The following NR5A2 variants were observed in gnomAD, a reference collection of about 807,000 sequenced individuals.
NR5A2 encodes nuclear receptor subfamily 5 group A member 2, also known as CYP7A promoter-binding factor.
Under a neutral mutation model 62.7 loss-of-function variants are expected in NR5A2, and 26 were observed. The observed-to-expected ratio is 0.41, with a 90% CI of 0.30 to 0.58. The LOEUF is 0.58. NR5A2 is among the 20% of genes least tolerant of loss of function. The pLI is 0.22. For synonymous variants in NR5A2, 246 were observed against 241.7 expected, an observed-to-expected ratio of 1.02 and a Z score of -0.16; for missense variants, 541 against 669.1, an observed-to-expected ratio of 0.81 and a Z score of 2.11.
chr1:200,051,133 C>T (rs2737640), intron 5 of NR5A2, among the ~76,000 whole-genome samples: 14,589 of 148,300 alleles, frequency 0.098, 748 homozygotes, highest in Middle Eastern at 0.2. Context: ...AAGGTAAAAA[C>T]AACGTTGAAT....
intron 7 of NR5A2, among the ~76,000 whole-genome samples, chr1:200,141,560 G>A (rs1667444433): frequency 1.3e-5 from 2 of 152,270 alleles, no homozygotes; most frequent in Middle Eastern, 3.4e-3. Flanking sequence ...CTACAAATAA[G>A]CTGCTATGAA....
intron 7 of NR5A2, among the ~76,000 whole-genome samples, chr1:200,151,974 T>C (rs2102365194): frequency 6.6e-6 from 1 of 152,302 alleles, no homozygotes; most frequent in African/African-American, 2.4e-5. Flanking sequence ...CAGACATACA[T>C]ATGCAAAGTT....
At chr1:200,113,042 A>T (rs1666035215) in intron 6 of NR5A2, among the ~76,000 whole-genome samples, 1 of 152,236 alleles carries the variant, frequency 6.6e-6, no homozygotes, top group Non-Finnish European at 1.5e-5. Flanking sequence ...AATAGAGAAA[A>T]GTGCATTTCT....
intron 7 of NR5A2, among the ~76,000 whole-genome samples, chr1:200,161,208 T>G (rs1653626493): frequency 6.6e-6 from 1 of 152,180 alleles, no homozygotes; most frequent in Non-Finnish European, 1.5e-5. Flanking sequence ...CTATTTTAAA[T>G]ACAACTTTAT....
chr1:200,138,199 A>G (rs990833471), intron 7 of NR5A2, among the ~76,000 whole-genome samples: 4 of 152,190 alleles, frequency 2.6e-5, no homozygotes, highest in African/African-American at 9.6e-5. Flanking sequence ...CCTGTAATAT[A>G]TTGTTGGACA....
At chr1:200,127,508 C>G (rs1666756615) in intron 7 of NR5A2, among the ~76,000 whole-genome samples, 1 of 151,068 alleles carries the variant, frequency 6.6e-6, no homozygotes, top group African/African-American at 2.4e-5. Context: ...GAAACCTCGT[C>G]TCTACTAAAA....
At chr1:200,101,502 AATC>A (rs1218542141) in intron 5 of NR5A2, among the ~76,000 whole-genome samples, 1 of 152,198 alleles carries the variant, frequency 6.6e-6, no homozygotes, top group Non-Finnish European at 1.5e-5. Flanking sequence ...GCACTAGCTG[AATC>A]ATCATGTTGA....
chr1:200,135,205 C>CT (rs1667155925), intron 7 of NR5A2, among the ~76,000 whole-genome samples: 1 of 152,182 alleles, frequency 6.6e-6, no homozygotes, highest in African/African-American at 2.4e-5. Context: ...GCAAGGAAGT[C>CT]TTTTGACTTG....
intron 6 of NR5A2, among the ~76,000 whole-genome samples, chr1:200,115,234 C>A (rs567101465): frequency 6.6e-6 from 1 of 152,222 alleles, no homozygotes; most frequent in Non-Finnish European, 1.5e-5. Flanking sequence ...CCACTTGAAT[C>A]AACTTTTTGT....
At chr1:200,129,958 G>A (rs1055456092) in intron 7 of NR5A2, among the ~76,000 whole-genome samples, 2 of 152,174 alleles carry the variant, frequency 1.3e-5, no homozygotes, top group Non-Finnish European at 1.5e-5. Flanking sequence ...AGCACTTCTG[G>A]AGAAGCCTGG....
At chr1:200,133,784 C>G (rs1017599146) in intron 7 of NR5A2, among the ~76,000 whole-genome samples, 4 of 150,962 alleles carry the variant, frequency 2.6e-5, no homozygotes, top group Admixed American at 6.6e-5. Flanking sequence ...TAAAAGAAAA[C>G]TTACTATAAA....
intron 7 of NR5A2, among the ~76,000 whole-genome samples, chr1:200,146,991 T>TTA (rs1667733618): frequency 6.6e-6 from 1 of 152,098 alleles, no homozygotes; most frequent in Admixed American, 6.5e-5. Flanking sequence ...CACTTTGTTT[T>TTA]TATTCACTGA....
chr1:200,174,126 A>G lies in NR5A2; in HGVS notation c.1542A>G (p.Glu514=), dbSNP rs1386772005. 6.2e-7 allele frequency: 1 copy of G among 1,613,748 alleles called. No individual in the cohort carries two copies. Among genetic ancestry groups the G allele is most frequent in the Non-Finnish European group, 8.5e-7 (1 of 1,179,990 alleles). ...TCCGGGCCATCAGTATGCAGGCTGA[A>G]GAATACCTCTACTACAAGCACCTGA... ...PEIRAISMQA[E]EYLYYKHLNG... is the part of the protein sequence containing the mutation. The change falls in exon 8 of 8, where the codon GAA becomes GAG. Residue 514 remains glutamate (E), a synonymous_variant. Transcript: ENST00000367362.
At chr1:200,166,865 G>T (rs904127237) in intron 7 of NR5A2, among the ~76,000 whole-genome samples, 7 of 152,206 alleles carry the variant, frequency 4.6e-5, no homozygotes, top group Non-Finnish European at 8.8e-5. Context: ...AGGATTAAAT[G>T]AGAAAACATA....
intron 5 of NR5A2, among the ~76,000 whole-genome samples, chr1:200,069,631 T>G (rs553450112): frequency 1.0e-3 from 152 of 152,196 alleles, no homozygotes; most frequent in Non-Finnish European, 1.9e-3. Flanking sequence ...TAGGAAACTG[T>G]GGGGTTTCCT....
chr1:200,087,035 CAAAAAT>C (rs1664582602), intron 5 of NR5A2, among the ~76,000 whole-genome samples: 1 of 151,874 alleles, frequency 6.6e-6, no homozygotes, highest in Admixed American at 6.6e-5. Flanking sequence ...TGAGACTCCT[CAAAAAT>C]AAAAATAAAA....
chr1:200,028,425 CAA>C (rs67706127), intron 1 of NR5A2, among the ~76,000 whole-genome samples: 19 of 83,618 alleles, frequency 2.3e-4, no homozygotes, highest in Admixed American at 4.1e-4. Flanking sequence ...CCCCCACCTC[CAA>C]AAAAAAAAAA....
chr1:200,117,326 T>C (rs1353959717), intron 6 of NR5A2, among the ~76,000 whole-genome samples: 1 of 151,196 alleles, frequency 6.6e-6, no homozygotes. Flanking sequence ...CACCTATCCT[T>C]CTTTAGAGCT....
chr1:200,163,742 A>C (rs554448892), intron 7 of NR5A2, among the ~76,000 whole-genome samples: 15 of 152,182 alleles, frequency 9.9e-5, no homozygotes, highest in Non-Finnish European at 1.9e-4. Context: ...GGCCTGCCAA[A>C]GTGCTGGGAT....
Sources: allele counts gnomAD v4.1 joint callset (sites outside exome capture counted in the v4.1 genomes callset), GRCh38; gene constraint gnomAD v4.1.1; transcripts MANE v1.5; gene names NCBI Gene and HGNC (gene_info 2026-07-23, HGNC 2026-07-21).